Variants in COG5 observed in about 807,000 individuals in gnomAD.
COG5 encodes the protein conserved oligomeric Golgi complex subunit 5.
Under a neutral mutation model 110.4 loss-of-function variants are expected in COG5, and 86 were observed. The ratio of observed to expected loss-of-function variants is 0.78; its 90% CI spans 0.65 to 0.93. The LOEUF (loss-of-function observed/expected upper bound fraction) is 0.93, where lower values mean the gene tolerates loss of function less well. Ranked by LOEUF, COG5 falls within the 40% of genes least tolerant of loss-of-function variation. The pLI is 0.00. For missense variants in COG5, 1,077 were observed against 987.0 expected, an observed-to-expected ratio of 1.09 and a Z score of -1.22; for synonymous variants, 360 against 334.6, an observed-to-expected ratio of 1.08 and a Z score of -0.83.
chr7:107,350,441 T>A (rs1458347032), intron 10 of COG5, among the ~76,000 whole-genome samples: 1 of 152,164 alleles, frequency 6.6e-6, no homozygotes, highest in African/African-American at 2.4e-5. Context: ...GTTTCTCAAT[T>A]TTTTATTCCA....
Position 107,359,521 on chromosome 7 carries a change from G to A in COG5, c.1026+2512C>T, listed in dbSNP as rs552213444. On this transcript the variant is annotated intron_variant, in intron 10 of 21. Transcript: ENST00000297135. ...GCAGAAATGGGCGAGTCCATGGTGA[G>A]GACCAACATTTAAGCCAGGGATCTG... is the stretch of plus-strand genomic sequence containing the variant. Among the ~76,000 whole-genome samples the A allele has an allele frequency of 9.2e-5, 14 of 152,300 alleles. No homozygotes were observed. In the South Asian group the frequency reaches 2.7e-3, roughly 29 times the overall value.
chr7:107,476,876 T>C (rs1206133914), intron 6 of COG5, among the ~76,000 whole-genome samples: 1 of 151,702 alleles, frequency 6.6e-6, no homozygotes, highest in African/African-American at 2.4e-5. Flanking sequence ...GTTTACTGAA[T>C]ACCCTAATCC....
intron 5 of COG5, among the ~76,000 whole-genome samples, chr7:107,530,328 G>A (rs1030993265): frequency 2.6e-5 from 4 of 152,268 alleles, no homozygotes; most frequent in East Asian, 1.9e-4. Flanking sequence ...TGGGCCGGAC[G>A]CAGTGGCTTA....
intron 14 of COG5, among the ~76,000 whole-genome samples, chr7:107,270,353 T>C (rs977007216): frequency 6.6e-6 from 1 of 151,746 alleles, no homozygotes; most frequent in Non-Finnish European, 1.5e-5. Flanking sequence ...CTCCACCTTC[T>C]GGGATCAAGT....
intron 1 of COG5, 53 bp downstream of exon 1, chr7:107,563,750 C>A: frequency 6.3e-7 from 1 of 1,596,120 alleles, no homozygotes; most frequent in Non-Finnish European, 8.6e-7. Flanking sequence ...TGTCCAGGTG[C>A]GGAGCAGCGC....
intron 10 of COG5, among the ~76,000 whole-genome samples, chr7:107,331,162 T>C (rs1221150507): frequency 6.6e-6 from 1 of 152,142 alleles, no homozygotes; most frequent in Non-Finnish European, 1.5e-5. Flanking sequence ...GATAATACCA[T>C]GATCAAGCTG....
rs1563031524 is a variant in COG5, at chr7:107,432,457, A to C, written c.539-19825T>G. On this transcript the variant is annotated intron_variant, in intron 6 of 21. Transcript: ENST00000297135. ...GAAGTTAACAGGATAGTACCACCTAATCCTCTGAGGACATGAACTTAGGAT... is the reference window on the plus strand; with the variant it reads ...GAAGTTAACAGGATAGTACCACCTACTCCTCTGAGGACATGAACTTAGGAT... 2.0e-5 allele frequency among the ~76,000 whole-genome samples: 3 copies of C among 152,166 alleles called. No individual in the cohort carries two copies. The South Asian group carries it at 6.2e-4, about 32-fold the overall frequency.
intron 19 of COG5, among the ~76,000 whole-genome samples, chr7:107,218,725 G>T (rs923488446): frequency 7.9e-5 from 12 of 151,230 alleles, no homozygotes; most frequent in African/African-American, 2.7e-4. Flanking sequence ...GTCAAGGTGT[G>T]GTCTTGAAAG....
intron 6 of COG5, among the ~76,000 whole-genome samples, chr7:107,488,566 TG>T (rs1321644108): frequency 6.6e-6 from 1 of 152,152 alleles, no homozygotes; most frequent in Non-Finnish European, 1.5e-5. Context: ...AATAATAGGC[TG>T]GGTGTGGTAG....
At chr7:107,325,584 G>A (rs1291748675) in intron 10 of COG5, among the ~76,000 whole-genome samples, 9 of 152,214 alleles carry the variant, frequency 5.9e-5, no homozygotes, top group East Asian at 1.9e-4. Flanking sequence ...CCAGGAGGCC[G>A]AGGTTGCAGT....
chr7:107,416,468 A>G (rs1792854060), intron 6 of COG5, among the ~76,000 whole-genome samples: 1 of 152,102 alleles, frequency 6.6e-6, no homozygotes, highest in South Asian at 2.1e-4. Flanking sequence ...GGATACATAG[A>G]AACATTAACA....
Position 107,337,925 on chromosome 7 carries a change from T to C in COG5, c.1027-13404A>G, listed in dbSNP as rs547721151. Among the ~76,000 whole-genome samples, 5 of 152,134 alleles carry C rather than the reference T, an allele frequency of 3.3e-5. No individual in the cohort carries two copies. The East Asian group carries it at 9.7e-4, about 29-fold the overall frequency. On this transcript the variant is annotated intron_variant, in intron 10 of 21. Coordinates refer to ENST00000297135, the MANE Select transcript of COG5 (RefSeq NM_006348.5). ...GTACCCCATGAATATGTACAGAAAT[T>C]ATGTATCAATTTTTAAAAACAGGAT...
chr7:107,277,198 A>G (rs1483566355), intron 14 of COG5, among the ~76,000 whole-genome samples: 6 of 152,208 alleles, frequency 3.9e-5, no homozygotes, highest in Non-Finnish European at 5.9e-5. Flanking sequence ...TCACAAAACA[A>G]TATGTATAAC....
intron 8 of COG5, among the ~76,000 whole-genome samples, chr7:107,371,055 T>G (rs970706621): frequency 6.6e-6 from 1 of 152,074 alleles, no homozygotes. Context: ...CCTGGAAATT[T>G]AAACATTATA....
At chr7:107,464,934 AG>A (rs1381778313) in intron 6 of COG5, among the ~76,000 whole-genome samples, 1 of 152,164 alleles carries the variant, frequency 6.6e-6, no homozygotes, top group African/African-American at 2.4e-5. Flanking sequence ...CTATTTGTCT[AG>A]GGTGTCATTA....
chr7:107,396,380 A>T (rs1050533433), intron 7 of COG5, among the ~76,000 whole-genome samples: 6 of 152,182 alleles, frequency 3.9e-5, no homozygotes, highest in African/African-American at 1.4e-4. Flanking sequence ...ATCAACAGTC[A>T]ACAGTACATA....
intron 8 of COG5, among the ~76,000 whole-genome samples, chr7:107,365,271 C>T (rs937271114): frequency 1.3e-5 from 2 of 151,802 alleles, no homozygotes; most frequent in Admixed American, 6.6e-5. Context: ...TAGTTAGTGA[C>T]GGTGGAATAA....
At chr7:107,317,359 A>T (rs1808851142) in intron 11 of COG5, among the ~76,000 whole-genome samples, 1 of 152,166 alleles carries the variant, frequency 6.6e-6, no homozygotes, top group Admixed American at 6.5e-5. Context: ...AATTCCAGAG[A>T]TGTGCAAAGG....
At chr7:107,531,471 T>C (rs1801195377) in intron 5 of COG5, among the ~76,000 whole-genome samples, 1 of 152,058 alleles carries the variant, frequency 6.6e-6, no homozygotes, top group Non-Finnish European at 1.5e-5. Context: ...TATAAGCATA[T>C]GAAATTTCTC....
Sources: gnomAD v4.1 joint callset for allele counts (sites outside exome capture counted in the v4.1 genomes callset) on GRCh38, gnomAD v4.1.1 for gene constraint, MANE v1.5 for transcripts, NCBI Gene and HGNC (gene_info 2026-07-23, HGNC 2026-07-21) for gene names.